Variants in C12orf42 observed in about 807,000 individuals in gnomAD.
C12orf42 encodes chromosome 12 open reading frame 42.
C12orf42 carries 25 observed loss-of-function variants against 21.6 expected under a neutral mutation model. The ratio of observed to expected loss-of-function variants is 1.16; its 90% CI spans 0.84 to 1.62. The LOEUF (loss-of-function observed/expected upper bound fraction) is 1.62, where lower values mean the gene tolerates loss of function less well. Among genes scored for constraint, C12orf42 ranks in the 40% most tolerant of loss-of-function variants. The pLI is 0.00. For missense variants in C12orf42, 483 were observed against 459.3 expected, an observed-to-expected ratio of 1.05 and a Z score of -0.47; for synonymous variants, 174 against 175.0, an observed-to-expected ratio of 0.99 and a Z score of 0.05.
At chr12:103,085,674 T>C in the C12orf42 span, among the ~76,000 whole-genome samples, 1 of 152,142 alleles carries the variant, frequency 6.6e-6, no homozygotes, top group Non-Finnish European at 1.5e-5. Context: ...AATCTAACCG[T>C]GCCATTCATT....
intron 4 of C12orf42, among the ~76,000 whole-genome samples, chr12:103,325,662 G>T (rs2040606463): frequency 6.6e-6 from 1 of 152,198 alleles, no homozygotes; most frequent in Admixed American, 6.5e-5. Context: ...AGTTCTCTCA[G>T]CATGGTTGTC....
the C12orf42 span, among the ~76,000 whole-genome samples, chr12:103,120,152 C>A: frequency 1.3e-5 from 2 of 152,172 alleles, no homozygotes; most frequent in Admixed American, 1.3e-4. Context: ...ATAGGAGACA[C>A]AGATATGAAT....
chr12:103,342,071 TAGAC>T (rs910717596), intron 4 of C12orf42, among the ~76,000 whole-genome samples: 2 of 152,074 alleles, frequency 1.3e-5, no homozygotes, highest in Admixed American at 6.6e-5. Context: ...AATAGATAGA[TAGAC>T]AGATAAAATA....
At chr12:103,115,352 C>T in the C12orf42 span, among the ~76,000 whole-genome samples, 1 of 152,252 alleles carries the variant, frequency 6.6e-6, no homozygotes, top group African/African-American at 2.4e-5. Flanking sequence ...TTCTCCACAC[C>T]CCAATTACAG....
the C12orf42 span, among the ~76,000 whole-genome samples, chr12:103,097,640 T>A: frequency 2.0e-5 from 3 of 152,218 alleles, no homozygotes; most frequent in Non-Finnish European, 4.4e-5. Flanking sequence ...TGATACAGAC[T>A]GGAAAATGTC....
At chr12:103,457,629 G>C (rs150211697) in intron 2 of C12orf42, among the ~76,000 whole-genome samples, 23 of 152,216 alleles carry the variant, frequency 1.5e-4, no homozygotes, top group African/African-American at 5.3e-4. Flanking sequence ...AAAACATCTA[G>C]TTAAGTTGCC....
At chr12:103,400,171 A>G (rs902486812) in intron 3 of C12orf42, among the ~76,000 whole-genome samples, 9 of 152,186 alleles carry the variant, frequency 5.9e-5, no homozygotes, top group Non-Finnish European at 1.2e-4. Context: ...GATCTAGCTG[A>G]TGCCAAGTCC....
intron 2 of C12orf42, among the ~76,000 whole-genome samples, chr12:103,470,184 A>T (rs1460114099): frequency 5.9e-5 from 9 of 152,206 alleles, no homozygotes; most frequent in African/African-American, 1.9e-4. Flanking sequence ...GGAGACTTTT[A>T]ACTGTGGTTT....
At chr12:103,227,978 T>G in the C12orf42 span, among the ~76,000 whole-genome samples, 1 of 152,112 alleles carries the variant, frequency 6.6e-6, no homozygotes, top group Non-Finnish European at 1.5e-5. Flanking sequence ...ATTGGTGAGA[T>G]GTTCCTTGGG....
intron 3 of C12orf42, among the ~76,000 whole-genome samples, chr12:103,378,477 T>A (rs759881641): frequency 3.3e-5 from 5 of 152,042 alleles, no homozygotes; most frequent in African/African-American, 4.8e-5. Context: ...TGCCTCACTA[T>A]CCCCATCCAA....
the C12orf42 span, among the ~76,000 whole-genome samples, chr12:103,073,658 A>G: frequency 2.6e-5 from 4 of 152,124 alleles, no homozygotes; most frequent in African/African-American, 9.7e-5. Flanking sequence ...GGGTGATAGG[A>G]GGGGTTTTGC....
chr12:103,261,426 G>A (rs1028822634), intron 10 of C12orf42, among the ~76,000 whole-genome samples: 1 of 149,114 alleles, frequency 6.7e-6, no homozygotes, highest in Non-Finnish European at 1.5e-5. Context: ...AAGTTGCAGT[G>A]AGCCGAGATC....
chr12:103,493,943 T>C (rs981438966), intron 1 of C12orf42, among the ~76,000 whole-genome samples: 2 of 152,234 alleles, frequency 1.3e-5, no homozygotes, highest in East Asian at 3.8e-4. Context: ...CATCTTTCTT[T>C]GAATTCCAGT....
intron 4 of C12orf42, chr12:103,277,259 A>G (rs914139317): frequency 3.1e-5 from 12 of 390,996 alleles, no homozygotes; most frequent in African/African-American, 1.9e-4. Flanking sequence ...ATAACTGTAT[A>G]TTAATTCAAA....
rs557275924 is a variant in C12orf42 at position 103,341,081 on chromosome 12, C to G, written c.259+27806G>C. ...TGAGCCAAGATCACACCACTGCACT[C>G]CAGTCTGGGCAACAGAGCAAGACTC... On this transcript the variant is annotated intron_variant, in intron 4 of 5. Coordinates refer to ENST00000548883, the MANE Select transcript of C12orf42 (RefSeq NM_198521.5). Among the ~76,000 whole-genome samples, 238 of 135,868 alleles carry G rather than the reference C, an allele frequency of 1.8e-3. 1 individual carries two copies. Among genetic ancestry groups the G allele is most frequent in the African/African-American group, 6.7e-3 (226 of 33,750 alleles). The allele number at this position is 135,868 out of a possible 152,430, so 89.1% of individuals were successfully genotyped here.
chr12:103,444,278 C>A (rs970419122), intron 2 of C12orf42, among the ~76,000 whole-genome samples: 1 of 152,002 alleles, frequency 6.6e-6, no homozygotes, highest in Non-Finnish European at 1.5e-5. Context: ...CTGAGCCCCA[C>A]GTGGGATTCA....
the C12orf42 span, chr12:103,549,065 T>C: frequency 6.6e-6 from 1 of 152,234 alleles, no homozygotes; most frequent in Non-Finnish European, 1.5e-5. Context: ...CTTCCAATTC[T>C]AAAATATCTA....
chr12:103,264,497 G>A (rs528790932), downstream of C12orf42, among the ~76,000 whole-genome samples: 1 of 152,246 alleles, frequency 6.6e-6, no homozygotes, highest in South Asian at 2.1e-4. Context: ...GCCCTCCACA[G>A]TCCAGGCACA....
At chr12:103,317,174 T>A (rs1455073021) in intron 4 of C12orf42, among the ~76,000 whole-genome samples, 1 of 152,178 alleles carries the variant, frequency 6.6e-6, no homozygotes, top group African/African-American at 2.4e-5. Flanking sequence ...TGTGGGAAAG[T>A]AAACTTGCTA....
Sources: gnomAD v4.1 joint callset for allele counts (sites outside exome capture counted in the v4.1 genomes callset) on GRCh38, gnomAD v4.1.1 for gene constraint, MANE v1.5 for transcripts, NCBI Gene and HGNC (gene_info 2026-07-23, HGNC 2026-07-21) for gene names.